The following ARHGAP24 variants were observed in gnomAD, a reference collection of about 807,000 sequenced individuals.
ARHGAP24 encodes the protein rho GTPase-activating protein 24.
A neutral mutation model predicts 76.4 loss-of-function variants in ARHGAP24; 50 were observed. That is an observed-to-expected ratio of 0.65 (90% CI 0.52 to 0.83). The LOEUF is 0.83. Among genes scored for constraint, ARHGAP24 ranks in the 40% least tolerant of loss-of-function variants. The pLI is 0.00. For missense variants in ARHGAP24, 930 were observed against 914.2 expected (o/e 1.02, Z -0.22); for synonymous variants, 345 against 323.3 (o/e 1.07, Z -0.72).
At chr4:85,850,389 CA>C (rs1731155863) in intron 3 of ARHGAP24, among the ~76,000 whole-genome samples, 1 of 152,004 alleles carries the variant, frequency 6.6e-6, no homozygotes, top group Admixed American at 6.6e-5. Context: ...TTGATCTTTT[CA>C]AAAAACCAGT....
At chr4:85,878,179 AGATAGATTAGTT>A (rs1337570031) in intron 3 of ARHGAP24, among the ~76,000 whole-genome samples, 1 of 152,166 alleles carries the variant, frequency 6.6e-6, no homozygotes, top group Admixed American at 6.5e-5. Flanking sequence ...GAGTTAGATT[AGATAGATTAGTT>A]GATAGATGGT....
chr4:85,817,096 T>C (rs1729271199), intron 3 of ARHGAP24, among the ~76,000 whole-genome samples: 1 of 152,148 alleles, frequency 6.6e-6, no homozygotes, highest in Admixed American at 6.5e-5. Flanking sequence ...AAGTAGTCCT[T>C]TATTCATTTT....
chr4:85,640,962 C>T (rs1318473270), intron 2 of ARHGAP24, among the ~76,000 whole-genome samples: 2 of 151,760 alleles, frequency 1.3e-5, no homozygotes, highest in Admixed American at 6.6e-5. Context: ...ATTCATTTGA[C>T]AAATCCAAAC....
chr4:85,826,869 A>G (rs569470313), intron 3 of ARHGAP24, among the ~76,000 whole-genome samples: 1 of 152,256 alleles, frequency 6.6e-6, no homozygotes, highest in Non-Finnish European at 1.5e-5. Flanking sequence ...TGCTCATGCA[A>G]TCAATCTAAA....
chr4:85,701,097 G>T (rs1242183819), intron 2 of ARHGAP24, among the ~76,000 whole-genome samples: 1 of 152,046 alleles, frequency 6.6e-6, no homozygotes. Context: ...TATAATTACA[G>T]AATTTTTAAA....
intron 3 of ARHGAP24, among the ~76,000 whole-genome samples, chr4:85,782,453 A>T (rs1029571718): frequency 1.1e-4 from 17 of 152,228 alleles, no homozygotes; most frequent in Non-Finnish European, 2.4e-4. Context: ...AAATGAATTA[A>T]TGCATGTTAG....
At chr4:85,772,726 G>A (rs1727176355) in intron 3 of ARHGAP24, among the ~76,000 whole-genome samples, 1 of 152,166 alleles carries the variant, frequency 6.6e-6, no homozygotes, top group African/African-American at 2.4e-5. Context: ...TAGAAACCAT[G>A]CAAATACAAT....
intron 4 of ARHGAP24, among the ~76,000 whole-genome samples, chr4:85,938,849 CCCCAATT>C (rs1736800661): frequency 6.6e-6 from 1 of 151,914 alleles, no homozygotes; most frequent in Non-Finnish European, 1.5e-5. Flanking sequence ...TTCTGACCTC[CCCCAATT>C]CCCAATTTAT....
chr4:85,655,782 T>TAGAG lies in ARHGAP24; in HGVS notation c.181-66102_181-66101insGAGA, dbSNP rs1214189915. ...GTGAGACTCCATATATATATATATA[T>TAGAG]ATATATATATAGAGAGAGAGAGAGA... On this transcript the variant is annotated intron_variant, in intron 2 of 9. Transcript: ENST00000395184. Among the ~76,000 whole-genome samples, 60 of 30,562 alleles carry TAGAG rather than the reference T, an allele frequency of 2.0e-3. 2 individuals are homozygous for TAGAG. The highest frequency in any genetic ancestry group is 9.7e-3 in the African/African-American group (57 of 5,870). The allele number at this position is 30,562 out of a possible 152,430, so 20.0% of individuals were successfully genotyped here.
intron 3 of ARHGAP24, among the ~76,000 whole-genome samples, chr4:85,880,024 G>A (rs746147081): frequency 1.3e-5 from 2 of 152,118 alleles, no homozygotes; most frequent in Non-Finnish European, 2.9e-5. Flanking sequence ...TTCCTAACAG[G>A]CCATGGATCA....
intron 3 of ARHGAP24, among the ~76,000 whole-genome samples, chr4:85,820,305 T>C (rs1295657094): frequency 2.0e-5 from 3 of 152,126 alleles, no homozygotes; most frequent in East Asian, 1.9e-4. Flanking sequence ...TATGCAGTCA[T>C]GAAAAAGAGC....
At chr4:85,915,682 G>A (rs947222898) in intron 3 of ARHGAP24, among the ~76,000 whole-genome samples, 8 of 151,132 alleles carry the variant, frequency 5.3e-5, no homozygotes, top group Non-Finnish European at 8.8e-5. Context: ...TTGATTTTCT[G>A]TTCCTGTGTT....
intron 2 of ARHGAP24, among the ~76,000 whole-genome samples, chr4:85,669,613 C>T (rs907524188): frequency 7.2e-6 from 1 of 139,834 alleles, no homozygotes; most frequent in African/African-American, 2.7e-5. Context: ...TAAAAAGTTA[C>T]AGGGTAGACT....
chr4:85,576,910 T>G (rs1727401176), intron 2 of ARHGAP24, among the ~76,000 whole-genome samples: 1 of 152,036 alleles, frequency 6.6e-6, no homozygotes, highest in Non-Finnish European at 1.5e-5. Context: ...GGCAAATGAT[T>G]TAGCTGGTCT....
intron 3 of ARHGAP24, among the ~76,000 whole-genome samples, chr4:85,791,515 A>C (rs1728126143): frequency 6.6e-6 from 1 of 152,172 alleles, no homozygotes; most frequent in African/African-American, 2.4e-5. Context: ...TATCAATTAT[A>C]TCTCTCCCCT....
chr4:85,597,205 G>C lies in ARHGAP24; in HGVS notation c.180+26484G>C, dbSNP rs542454808. 3.3e-5 allele frequency among the ~76,000 whole-genome samples: 5 copies of C among 152,148 alleles called. No homozygotes were observed. In the East Asian group the frequency reaches 9.6e-4, roughly 29 times the overall value. On this transcript the variant is annotated intron_variant, in intron 2 of 9. Coordinates refer to ENST00000395184, the MANE Select transcript of ARHGAP24 (RefSeq NM_001025616.3). ...TCTTTAACCAATCTTAAGATGTAAG[G>C]TTTGGTTTTATTGATATGAATTGGT...
At chr4:85,676,266 A>T (rs551827448) in intron 2 of ARHGAP24, among the ~76,000 whole-genome samples, 7 of 152,296 alleles carry the variant, frequency 4.6e-5, no homozygotes, top group Non-Finnish European at 7.4e-5. Flanking sequence ...CACCTGTTTA[A>T]GCTTTTAATG....
intron 2 of ARHGAP24, among the ~76,000 whole-genome samples, chr4:85,708,413 CTGTG>C (rs1346209336): frequency 1.3e-5 from 2 of 152,106 alleles, no homozygotes; most frequent in African/African-American, 4.8e-5. Context: ...AAACAGCCCT[CTGTG>C]TAAGACTCTT....
intron 3 of ARHGAP24, among the ~76,000 whole-genome samples, chr4:85,731,567 C>T (rs910769426): frequency 6.6e-6 from 1 of 152,174 alleles, no homozygotes; most frequent in Non-Finnish European, 1.5e-5. Flanking sequence ...ACCTTTTTCC[C>T]AGTGCCTCCT....
Sources: allele counts gnomAD v4.1 joint callset (sites outside exome capture counted in the v4.1 genomes callset), GRCh38; gene constraint gnomAD v4.1.1; transcripts MANE v1.5; gene names NCBI Gene and HGNC (gene_info 2026-07-23, HGNC 2026-07-21).